The following PCDHGB2 variants were observed in gnomAD, a reference collection of about 807,000 sequenced individuals.
The protein encoded by PCDHGB2 is protocadherin gamma-B2.
In PCDHGB2, 55 loss-of-function variants were observed where a neutral mutation model predicts 59.3. The observed-to-expected ratio is 0.93, with a 90% CI of 0.75 to 1.16. The LOEUF is 1.16. Ranked by LOEUF, PCDHGB2 falls within the 50% of genes most tolerant of loss-of-function variation. The probability of loss-of-function intolerance (pLI) is 0.00; values close to 1 mark genes in which losing one functional copy is unlikely to be tolerated. For synonymous variants in PCDHGB2, 516 were observed against 512.0 expected (o/e 1.01, Z -0.11); for missense variants, 1,228 against 1,198.5 (o/e 1.02, Z -0.36).
intron 1 of PCDHGB2, chr5:141,409,193 T>C (rs1268258873): frequency 2.5e-6 from 4 of 1,613,870 alleles, no homozygotes; most frequent in Admixed American, 1.7e-5. Flanking sequence ...CTCTACCCAG[T>C]GTAAAGTAAT....
chr5:141,430,970 A>G (rs1026736997), intron 1 of PCDHGB2: 3 of 1,613,068 alleles, frequency 1.9e-6, no homozygotes, highest in Non-Finnish European at 2.5e-6. Context: ...CCCCAGAGGT[A>G]GGACGCAGCT....
At chr5:141,375,816 C>A (rs755968729) in intron 1 of PCDHGB2, 6 of 1,614,194 alleles carry the variant, frequency 3.7e-6, no homozygotes, top group South Asian at 3.3e-5. Context: ...GTGGAGCTGG[C>A]GCCCCGCTCC....
Position 141,410,368 on chromosome 5 carries a change from T to C in PCDHGB2, c.2421+47812T>C, listed in dbSNP as rs751198926. 5.6e-6 allele frequency: 9 copies of C among 1,613,956 alleles called. No homozygotes were observed. The African/African-American group carries it at 1.2e-4, about 22-fold the overall frequency. On this transcript the variant is annotated intron_variant, in intron 1 of 3. Coordinates refer to ENST00000522605, the MANE Select transcript of PCDHGB2 (RefSeq NM_018923.3). Reference sequence around the variant, plus strand: ...GCCTGCGACGCTCTCTCAGCCCTGCTACTTGGGACTGCTTCCATCCTGGTC... The same window carrying C: ...GCCTGCGACGCTCTCTCAGCCCTGCCACTTGGGACTGCTTCCATCCTGGTC...
chr5:141,383,087 G>A, intron 1 of PCDHGB2: 2 of 1,613,912 alleles, frequency 1.2e-6, no homozygotes, highest in Non-Finnish European at 1.7e-6. Flanking sequence ...GCGGAGCGCG[G>A]AGTCCGCATC....
chr5:141,405,364 C>G, intron 1 of PCDHGB2: 1 of 1,613,548 alleles, frequency 6.2e-7, no homozygotes, highest in Non-Finnish European at 8.5e-7. Context: ...TAGAAGACAC[C>G]CCTTTGGTTC....
chr5:141,366,539 G>A, intron 1 of PCDHGB2: 1 of 1,614,248 alleles, frequency 6.2e-7, no homozygotes, highest in Non-Finnish European at 8.5e-7. Flanking sequence ...GGGTGTGCCC[G>A]CCTCGCACTT....
intron 1 of PCDHGB2, chr5:141,412,531 T>G (rs534627173): frequency 1.7e-4 from 26 of 152,304 alleles, no homozygotes; most frequent in African/African-American, 5.8e-4. Flanking sequence ...GTTACAATTA[T>G]AAAGCTTCAG....
Position 141,431,363 on chromosome 5 carries a change from C to A in PCDHGB2, c.2422-63444C>A. ...ATTGGTGCTGAAACGCGCCCTGGAC[C>A]GCGAAGAAAAGGCTGCTCACCACCT... On this transcript the variant is annotated intron_variant, in intron 1 of 3. Transcript: ENST00000522605. The surrounding 1 kb of genome is among the most constrained non-coding windows in gnomAD (Gnocchi z 4.8). 1 of 1,614,024 alleles carries A rather than the reference C, an allele frequency of 6.2e-7. No homozygotes were observed. Among genetic ancestry groups the A allele is most frequent in the Non-Finnish European group, 8.5e-7 (1 of 1,180,028 alleles).
intron 1 of PCDHGB2, chr5:141,414,638 A>G: frequency 6.2e-7 from 1 of 1,613,988 alleles, no homozygotes; most frequent in Non-Finnish European, 8.5e-7. Flanking sequence ...AGCAAAGAGA[A>G]TGCCCAGATT....
At chr5:141,427,603 T>G in intron 1 of PCDHGB2, 2 of 681,440 alleles carry the variant, frequency 2.9e-6, no homozygotes, top group East Asian at 2.8e-5. Flanking sequence ...ACCCTACGCA[T>G]TGGTGAAGTC....
chr5:141,399,576 C>G, intron 1 of PCDHGB2: 1 of 1,614,028 alleles, frequency 6.2e-7, no homozygotes, highest in South Asian at 1.1e-5. Flanking sequence ...ACGGCCAAGT[C>G]TCCTACTCTA....
chr5:141,409,751 C>G lies in PCDHGB2; in HGVS notation c.2421+47195C>G, dbSNP rs774810318. The G allele has an allele frequency of 1.5e-5, 25 of 1,613,000 alleles. No homozygotes were observed. In the Admixed American group the frequency reaches 4.0e-4, roughly 26 times the overall value. The stretch of plus-strand genomic sequence containing the variant: ...CGCGCAGAGCGGGGTGGTGTTCGCG[C>G]AGCGCGCCTTTGATCACGAGCAGCT... On this transcript the variant is annotated intron_variant, in intron 1 of 3. Coordinates refer to ENST00000522605, the MANE Select transcript of PCDHGB2 (RefSeq NM_018923.3).
In PCDHGB2 at chr5:141,438,615, TATATATATATATATATATATACACAC is replaced by T. The variant is rs1337184558; in HGVS notation, c.2422-56190_2422-56165del. ...ACATATATATATATATATATATATATATATATATATATATATATATACACACACACACACACATATATGTATATATA... is the reference window on the plus strand; with the variant it reads ...ACATATATATATATATATATATATATACACACACACATATATGTATATATA... On this transcript the variant is annotated intron_variant, in intron 1 of 3. Coordinates refer to ENST00000522605, the MANE Select transcript of PCDHGB2 (RefSeq NM_018923.3). 3.6e-3 allele frequency among the ~76,000 whole-genome samples: 130 copies of T among 35,912 alleles called. 2 individuals are homozygous for T. Among genetic ancestry groups the T allele is most frequent in the African/African-American group, 0.022 (107 of 4,918 alleles). The allele number at this position is 35,912 out of a possible 152,430, so 23.6% of individuals were successfully genotyped here.
At chr5:141,362,768 A>G (rs916897514) in intron 1 of PCDHGB2, 6 of 614,256 alleles carry the variant, frequency 9.8e-6, no homozygotes, top group Middle Eastern at 4.4e-4. Context: ...CACATGAGAT[A>G]TTGCACTGTA....
At chr5:141,449,137 A>C (rs1257120647) in intron 1 of PCDHGB2, among the ~76,000 whole-genome samples, 1 of 152,176 alleles carries the variant, frequency 6.6e-6, no homozygotes, top group Non-Finnish European at 1.5e-5. Context: ...AATGGAATTG[A>C]AATTGCTGGG....
At chr5:141,421,080 C>G in intron 1 of PCDHGB2, 1 of 638,368 alleles carries the variant, frequency 1.6e-6, no homozygotes, top group South Asian at 2.1e-5. Flanking sequence ...GATGGATACT[C>G]ACAGATCCTG....
Position 141,364,261 on chromosome 5 carries a change from T to C in PCDHGB2, c.2421+1705T>C. On this transcript the variant is annotated intron_variant, in intron 1 of 3. Coordinates refer to ENST00000522605, the MANE Select transcript of PCDHGB2 (RefSeq NM_018923.3). ...ATTTTCGTCAGGGAATATGTACCCA[T>C]CGGCTTTAGATAAATAAGGAAACAG... The C allele has an allele frequency of 5.3e-6, 8 of 1,504,792 alleles. No individual in the cohort carries two copies. The South Asian group carries it at 1.1e-4, about 21-fold the overall frequency. The allele number at this position is 1,504,792 out of a possible 1,614,324, so 93.2% of individuals were successfully genotyped here. A position where few individuals can be genotyped will look rare whatever the true frequency, so the allele number is the denominator to read the frequency against.
intron 1 of PCDHGB2, chr5:141,365,786 C>T (rs1446985601): frequency 6.2e-7 from 1 of 1,613,932 alleles, no homozygotes; most frequent in Non-Finnish European, 8.5e-7. Context: ...CGACAACGCT[C>T]GAGTCACCTA....
At position 141,374,492 on chromosome 5, in the gene PCDHGB2, G is replaced by A. The variant is rs770971184; in HGVS notation, c.2421+11936G>A. The A allele has an allele frequency of 5.3e-5, 85 of 1,611,364 alleles. No individual in the cohort carries two copies. The highest frequency in any genetic ancestry group is 6.9e-5 in the Non-Finnish European group (81 of 1,177,766). On this transcript the variant is annotated intron_variant, in intron 1 of 3. Transcript: ENST00000522605. ...CAATACACCCCGATTCTTAAAGGAA[G>A]AATTGGAAGTGAAAATTCTCGAAAA... is the stretch of plus-strand genomic sequence containing the variant.
Sources: allele counts gnomAD v4.1 joint callset (sites outside exome capture counted in the v4.1 genomes callset), GRCh38; gene constraint gnomAD v4.1.1; non-coding constraint Gnocchi (gnomAD v3.1); transcripts MANE v1.5; gene names NCBI Gene and HGNC (gene_info 2026-07-23, HGNC 2026-07-21).